The following KIF26B variants were observed in gnomAD, a reference collection of about 807,000 sequenced individuals.
KIF26B encodes kinesin-like protein KIF26B.
Under a neutral mutation model 151.2 loss-of-function variants are expected in KIF26B, and 63 were observed. The observed-to-expected ratio is 0.42, with a 90% CI of 0.34 to 0.51. The LOEUF (loss-of-function observed/expected upper bound fraction) is 0.51, where lower values mean the gene tolerates loss of function less well. Ranked by LOEUF, KIF26B falls within the 20% of genes least tolerant of loss-of-function variation. The pLI, the probability that KIF26B is intolerant of heterozygous loss-of-function variation, is 0.07. For synonymous variants in KIF26B, 1,357 were observed against 1,262.1 expected, an observed-to-expected ratio of 1.08 and a Z score of -1.59; for missense variants, 2,813 against 2,913.6, an observed-to-expected ratio of 0.97 and a Z score of 0.79.
chr1:245,329,744 CGTT>C (rs1672062931), intron 2 of KIF26B, among the ~76,000 whole-genome samples: 1 of 152,170 alleles, frequency 6.6e-6, no homozygotes, highest in Middle Eastern at 3.4e-3. Context: ...CTAACGAAAT[CGTT>C]GTTAAATAAA....
intron 5 of KIF26B, among the ~76,000 whole-genome samples, chr1:245,569,311 C>A (rs2043041138): frequency 6.6e-6 from 1 of 152,060 alleles, no homozygotes; most frequent in African/African-American, 2.4e-5. Context: ...CAGCTAGGGG[C>A]TTTTTGATTA....
chr1:245,675,963 C>T (rs2044352523), intron 10 of KIF26B, among the ~76,000 whole-genome samples: 1 of 152,088 alleles, frequency 6.6e-6, no homozygotes, highest in Admixed American at 6.6e-5. Context: ...GAATATTACA[C>T]AGGCTGTACT....
intron 4 of KIF26B, among the ~76,000 whole-genome samples, chr1:245,494,043 C>T (rs1325796097): frequency 1.3e-5 from 2 of 151,712 alleles, no homozygotes; most frequent in Non-Finnish European, 2.9e-5. Flanking sequence ...GTGGCTTATG[C>T]CTGTAATCCC....
At chr1:245,472,541 A>G (rs1389868708) in intron 4 of KIF26B, among the ~76,000 whole-genome samples, 1 of 152,220 alleles carries the variant, frequency 6.6e-6, no homozygotes, top group African/African-American at 2.4e-5. Context: ...CTCTTTGAGC[A>G]TCATGCTGGT....
chr1:245,291,774 AG>A (rs1671256771), intron 2 of KIF26B, among the ~76,000 whole-genome samples: 1 of 152,132 alleles, frequency 6.6e-6, no homozygotes, highest in South Asian at 2.1e-4. Context: ...GTGGGTAGGA[AG>A]GGGTGTTCTC....
intron 4 of KIF26B, among the ~76,000 whole-genome samples, chr1:245,470,850 A>G (rs1659898314): frequency 6.6e-6 from 1 of 152,102 alleles, no homozygotes; most frequent in East Asian, 1.9e-4. Context: ...TAGCTTTCAG[A>G]TGCTCATTTC....
In KIF26B at chr1:245,488,200, G is replaced by A. The variant is rs1660322773; in HGVS notation, c.1167-52567G>A. Among the ~76,000 whole-genome samples the A allele has an allele frequency of 6.6e-6, 1 of 152,186 alleles. No individual in the cohort carries two copies. The highest frequency in any genetic ancestry group is 2.1e-4 in the South Asian group (1 of 4,822). On this transcript the variant is annotated intron_variant, in intron 4 of 14. Coordinates refer to ENST00000407071, the MANE Select transcript of KIF26B (RefSeq NM_018012.4). This position sits in a 1 kb window ranked among gnomAD's most constrained non-coding sequence, Gnocchi z 4.6. ...GCCTCCCAAAGCACTGAGATTACCA[G>A]CGTGAGCCACCACACTGGCCAACCC...
intron 2 of KIF26B, among the ~76,000 whole-genome samples, chr1:245,182,783 G>A (rs1281439453): frequency 2.0e-5 from 3 of 152,060 alleles, no homozygotes; most frequent in African/African-American, 4.8e-5. Flanking sequence ...TTACAGGCAC[G>A]TGCCACCATG....
intron 5 of KIF26B, among the ~76,000 whole-genome samples, chr1:245,595,935 G>C (rs563829722): frequency 2.2e-4 from 33 of 152,168 alleles, no homozygotes; most frequent in African/African-American, 7.7e-4. Context: ...TCTAGATTTT[G>C]TAGTTTATTT....
chr1:245,378,570 C>G (rs1003421691), intron 3 of KIF26B, among the ~76,000 whole-genome samples: 1 of 152,204 alleles, frequency 6.6e-6, no homozygotes, highest in African/African-American at 2.4e-5. Context: ...CTTGTTCCCT[C>G]AGGCTGAATT....
intron 2 of KIF26B, among the ~76,000 whole-genome samples, chr1:245,314,907 G>A (rs1208179370): frequency 5.3e-5 from 8 of 152,338 alleles, no homozygotes; most frequent in Admixed American, 3.9e-4. Context: ...AAGGCCAGGC[G>A]CGGTGGCTCA....
At chr1:245,558,265 A>G (rs1572126209) in intron 5 of KIF26B, among the ~76,000 whole-genome samples, 1 of 152,016 alleles carries the variant, frequency 6.6e-6, no homozygotes, top group Non-Finnish European at 1.5e-5. Context: ...CCAAAGTCCA[A>G]ATTCCCCAGC....
intron 2 of KIF26B, among the ~76,000 whole-genome samples, chr1:245,364,325 GT>G (rs1186907087): frequency 6.6e-6 from 1 of 151,998 alleles, no homozygotes; most frequent in African/African-American, 2.4e-5. Context: ...CTGGAGAGTG[GT>G]TGTGTCCCTA....
intron 10 of KIF26B, among the ~76,000 whole-genome samples, chr1:245,664,443 CT>C (rs1266788943): frequency 3.3e-5 from 5 of 150,702 alleles, no homozygotes; most frequent in South Asian, 2.1e-4. Context: ...TGCTCCTTTG[CT>C]TTTTTTTTTC....
At chr1:245,254,410 C>T (rs1437607869) in intron 2 of KIF26B, among the ~76,000 whole-genome samples, 1 of 151,582 alleles carries the variant, frequency 6.6e-6, no homozygotes, top group Admixed American at 6.6e-5. Flanking sequence ...AGGGTAAAGG[C>T]GATTCTATGA....
At chr1:245,431,582 G>A (rs1387408289) in intron 4 of KIF26B, among the ~76,000 whole-genome samples, 2 of 152,132 alleles carry the variant, frequency 1.3e-5, no homozygotes, top group African/African-American at 2.4e-5. Context: ...CTGACCTTGT[G>A]ATCTACCCAC....
At chr1:245,621,096 C>T (rs2043653844) in intron 9 of KIF26B, among the ~76,000 whole-genome samples, 1 of 152,154 alleles carries the variant, frequency 6.6e-6, no homozygotes, top group South Asian at 2.1e-4. Context: ...GTGCGTGCTG[C>T]CCTCCAGCCC....
intron 2 of KIF26B, among the ~76,000 whole-genome samples, chr1:245,353,400 T>A (rs2103001598): frequency 6.6e-6 from 1 of 152,296 alleles, no homozygotes; most frequent in African/African-American, 2.4e-5. Flanking sequence ...GAGAAGCCAG[T>A]AAAGATGGCA....
chr1:245,175,619 A>G (rs1668789720), intron 2 of KIF26B, among the ~76,000 whole-genome samples: 1 of 152,178 alleles, frequency 6.6e-6, no homozygotes, highest in South Asian at 2.1e-4. Context: ...AAAAGCAAGT[A>G]TAAAAGATGA....
Sources: allele counts gnomAD v4.1 joint callset (sites outside exome capture counted in the v4.1 genomes callset), GRCh38; gene constraint gnomAD v4.1.1; non-coding constraint Gnocchi (gnomAD v3.1); transcripts MANE v1.5; gene names NCBI Gene and HGNC (gene_info 2026-07-23, HGNC 2026-07-21).